Variants in CDH4 observed in about 807,000 individuals in gnomAD.
CDH4 encodes the protein cadherin 4.
In CDH4, 33 loss-of-function variants were observed where a neutral mutation model predicts 86.0. The observed-to-expected ratio is 0.38, with a 90% CI of 0.29 to 0.51. The LOEUF is 0.51. CDH4 is among the 20% of genes least tolerant of loss of function. CDH4 has a pLI of 0.86. For missense variants in CDH4, 1,114 were observed against 1,307.4 expected (o/e 0.85, Z 2.28); for synonymous variants, 555 against 549.4 (o/e 1.01, Z -0.14).
intron 2 of CDH4, among the ~76,000 whole-genome samples, chr20:61,395,002 G>A (rs1236897834): frequency 6.7e-6 from 1 of 149,640 alleles, no homozygotes; most frequent in African/African-American, 2.5e-5. Context: ...GTGGCTCCTA[G>A]GCTGGAGGTT....
intron 2 of CDH4, among the ~76,000 whole-genome samples, chr20:61,415,033 G>A (rs918421299): frequency 8.5e-5 from 13 of 152,240 alleles, no homozygotes; most frequent in South Asian, 4.1e-4. Context: ...GGGCTTTTCC[G>A]CTAGCTGGAA....
rs2084066103 is a variant in CDH4 at position 61,252,469 on chromosome 20, G to C, written c.-45G>C. On this transcript the variant is annotated 5_prime_UTR_variant, in exon 1 of 16. Coordinates refer to ENST00000614565, the MANE Select transcript of CDH4 (RefSeq NM_001794.5). This position sits in a 1 kb window ranked among gnomAD's most constrained non-coding sequence, Gnocchi z 4.4. ...GGCGGCGGCGGCGGCGGCGGCGGCAGGGAGCGGGCTCCCGGTGCCGGGCAC... is the reference window on the plus strand; with the variant it reads ...GGCGGCGGCGGCGGCGGCGGCGGCACGGAGCGGGCTCCCGGTGCCGGGCAC... 1.9e-6 allele frequency: 2 copies of C among 1,047,068 alleles called. No homozygotes were observed. Among genetic ancestry groups the C allele is most frequent in the African/African-American group, 3.5e-5 (2 of 57,818 alleles). The allele number at this position is 1,047,068 out of a possible 1,614,324, so 64.9% of individuals were successfully genotyped here.
At chr20:61,331,621 C>T (rs2084575575) in intron 2 of CDH4, among the ~76,000 whole-genome samples, 4 of 137,184 alleles carry the variant, frequency 2.9e-5, no homozygotes, top group East Asian at 2.1e-4. Context: ...TGCCCCAGGC[C>T]CACCTCCTGC....
chr20:61,588,460 A>G (rs2086494521), intron 2 of CDH4, among the ~76,000 whole-genome samples: 1 of 152,344 alleles, frequency 6.6e-6, no homozygotes, highest in East Asian at 1.9e-4. Context: ...CAGGGAGAGA[A>G]AGAAAAAAAG....
chr20:61,281,746 C>T (rs1358553913), intron 2 of CDH4, among the ~76,000 whole-genome samples: 1 of 152,240 alleles, frequency 6.6e-6, no homozygotes, highest in Non-Finnish European at 1.5e-5. Flanking sequence ...GCATTCCCGC[C>T]ACCTCCTCCC....
intron 2 of CDH4, among the ~76,000 whole-genome samples, chr20:61,297,741 T>A (rs1055675102): frequency 6.6e-6 from 1 of 152,256 alleles, no homozygotes; most frequent in Non-Finnish European, 1.5e-5. Context: ...CTCGCGTGTA[T>A]GATAGAGACA....
rs116804279 is a variant in CDH4, at chr20:61,259,184, T to A, written c.169+4247T>A. Among the ~76,000 whole-genome samples, 876 of 152,346 alleles carry A rather than the reference T, an allele frequency of 5.8e-3. 8 individuals are homozygous for A. The highest frequency in any genetic ancestry group is 0.019 in the African/African-American group (797 of 41,582). On this transcript the variant is annotated intron_variant, in intron 2 of 15. Coordinates refer to ENST00000614565, the MANE Select transcript of CDH4 (RefSeq NM_001794.5). ...TGAATGAGTGAATGACTCATTTGCA[T>A]ACAAAGGCATTCAGACAGAGGCATG...
chr20:61,795,026 AGTG>A (rs1236476512), intron 4 of CDH4, among the ~76,000 whole-genome samples: 1 of 145,786 alleles, frequency 6.9e-6, no homozygotes, highest in African/African-American at 2.5e-5. Flanking sequence ...TAAAGGTGGG[AGTG>A]GTGGTGATGA....
chr20:61,400,060 C>A (rs1286523463), intron 2 of CDH4, among the ~76,000 whole-genome samples: 1 of 152,236 alleles, frequency 6.6e-6, no homozygotes, highest in Non-Finnish European at 1.5e-5. Context: ...TTTGGGACAA[C>A]TCTCCCACAA....
At chr20:61,491,288 A>G (rs1195646488) in intron 2 of CDH4, among the ~76,000 whole-genome samples, 1 of 152,230 alleles carries the variant, frequency 6.6e-6, no homozygotes, top group African/African-American at 2.4e-5. Flanking sequence ...AGTTCCACAC[A>G]GGTTACTTGG....
At chr20:61,847,402 C>A (rs193083060) in intron 5 of CDH4, among the ~76,000 whole-genome samples, 1 of 152,280 alleles carries the variant, frequency 6.6e-6, no homozygotes, top group East Asian at 1.9e-4. Flanking sequence ...GGGTCACCCA[C>A]CCCTCTATGA....
At chr20:61,661,084 C>CG (rs56367674) in intron 2 of CDH4, among the ~76,000 whole-genome samples, 12,223 of 74,228 alleles carry the variant, frequency 0.16, 1,937 homozygotes, top group East Asian at 0.32. Context: ...GGAGGCATGG[C>CG]GGGGGGGGGG....
intron 6 of CDH4, among the ~76,000 whole-genome samples, chr20:61,871,638 A>G (rs1041653309): frequency 6.6e-6 from 1 of 152,030 alleles, no homozygotes; most frequent in Non-Finnish European, 1.5e-5. Flanking sequence ...AGAGGGGAGT[A>G]TGGTTGGGAC....
chr20:61,736,974 T>C (rs1440265390), intron 2 of CDH4, among the ~76,000 whole-genome samples: 1 of 152,138 alleles, frequency 6.6e-6, no homozygotes, highest in Non-Finnish European at 1.5e-5. Context: ...TGCTTTGCTC[T>C]ACAGCTGCCA....
At chr20:61,883,083 C>T (rs1411969560) in intron 7 of CDH4, among the ~76,000 whole-genome samples, 1 of 152,076 alleles carries the variant, frequency 6.6e-6, no homozygotes, top group East Asian at 1.9e-4. Context: ...TGAACCCGGC[C>T]CCATTCCCCC....
intron 2 of CDH4, among the ~76,000 whole-genome samples, chr20:61,363,819 G>A (rs964027966): frequency 1.3e-5 from 2 of 152,178 alleles, no homozygotes; most frequent in African/African-American, 2.4e-5. Context: ...TATAGAAATC[G>A]TTACAGATGG....
At position 61,619,541 on chromosome 20, in the gene CDH4, C is replaced by T. The variant is rs148152662; in HGVS notation, c.170-124022C>T. Among the ~76,000 whole-genome samples the T allele has an allele frequency of 8.6e-3, 1,311 of 152,310 alleles. 18 individuals carry two copies. Among genetic ancestry groups the T allele is most frequent in the African/African-American group, 0.028 (1,149 of 41,560 alleles). ...GATGTGAACCATCCACTGCTGGCCC[C>T]GGGCCACCCCTCACACCGAAGAAGA... is the stretch of plus-strand genomic sequence containing the variant. On this transcript the variant is annotated intron_variant, in intron 2 of 15. Coordinates refer to ENST00000614565, the MANE Select transcript of CDH4 (RefSeq NM_001794.5).
chr20:61,309,044 A>C (rs780464265), intron 2 of CDH4, among the ~76,000 whole-genome samples: 1 of 152,218 alleles, frequency 6.6e-6, no homozygotes. Flanking sequence ...AACACAGTGA[A>C]AATTTGGAGC....
chr20:61,695,723 T>C (rs998783500), intron 2 of CDH4, among the ~76,000 whole-genome samples: 1 of 152,154 alleles, frequency 6.6e-6, no homozygotes, highest in Admixed American at 6.5e-5. Flanking sequence ...AGCTTCGACT[T>C]GGAAAATGGT....
Sources: allele counts gnomAD v4.1 joint callset (sites outside exome capture counted in the v4.1 genomes callset), GRCh38; gene constraint gnomAD v4.1.1; non-coding constraint Gnocchi (gnomAD v3.1); transcripts MANE v1.5; gene names NCBI Gene and HGNC (gene_info 2026-07-23, HGNC 2026-07-21).